Variants in ADGRB3 observed in about 807,000 individuals in gnomAD.
ADGRB3 encodes the protein brain-specific angiogenesis inhibitor 3.
Under a neutral mutation model 193.4 loss-of-function variants are expected in ADGRB3, and 37 were observed. That is an observed-to-expected ratio of 0.19 (90% CI 0.15 to 0.25). The LOEUF (loss-of-function observed/expected upper bound fraction) is 0.25. Among genes scored for constraint, ADGRB3 ranks in the 10% least tolerant of loss-of-function variants. ADGRB3 has a pLI of 1.00. For synonymous variants in ADGRB3, 690 were observed against 644.2 expected, an observed-to-expected ratio of 1.07 and a Z score of -1.08; for missense variants, 1,637 against 1,852.9, an observed-to-expected ratio of 0.88 and a Z score of 2.14.
At chr6:68,782,294 ACATGAACT>A (rs1038211107) in intron 3 of ADGRB3, among the ~76,000 whole-genome samples, 8 of 151,728 alleles carry the variant, frequency 5.3e-5, no homozygotes, top group Non-Finnish European at 1.0e-4. Context: ...CCTACAAAGG[ACATGAACT>A]CATCATTTTT....
intron 10 of ADGRB3, among the ~76,000 whole-genome samples, chr6:68,982,897 C>T (rs151053008): frequency 7.2e-5 from 11 of 152,018 alleles, no homozygotes; most frequent in Admixed American, 6.6e-4. Context: ...AAGAAACTTT[C>T]GCAGGAGAAA....
chr6:69,113,119 A>T (rs527505123), intron 17 of ADGRB3, among the ~76,000 whole-genome samples: 1 of 152,210 alleles, frequency 6.6e-6, no homozygotes, highest in Non-Finnish European at 1.5e-5. Context: ...ATGCTATTTT[A>T]TATAAGAAAC....
chr6:68,825,814 A>C (rs2127381934), intron 3 of ADGRB3, among the ~76,000 whole-genome samples: 1 of 152,290 alleles, frequency 6.6e-6, no homozygotes, highest in East Asian at 1.9e-4. Context: ...AATGATTGTA[A>C]GTTTTCTGAG....
intron 13 of ADGRB3, among the ~76,000 whole-genome samples, chr6:69,034,531 A>C (rs1355680851): frequency 1.3e-5 from 2 of 148,450 alleles, no homozygotes; most frequent in African/African-American, 2.4e-5. Flanking sequence ...TATAGCTATA[A>C]ATTTATTTTA....
intron 3 of ADGRB3, among the ~76,000 whole-genome samples, chr6:68,853,744 C>CA (rs553579424): frequency 6.9e-4 from 102 of 148,216 alleles, no homozygotes; most frequent in African/African-American, 1.1e-3. Context: ...CTCAGACTTG[C>CA]AAAAAAAAAG....
intron 17 of ADGRB3, among the ~76,000 whole-genome samples, chr6:69,139,226 T>G (rs1774241152): frequency 6.6e-6 from 1 of 152,184 alleles, no homozygotes; most frequent in Non-Finnish European, 1.5e-5. Context: ...TCACCCATTT[T>G]CCTCTCCTGC....
At chr6:69,305,780 G>A (rs533162862) in intron 20 of ADGRB3, among the ~76,000 whole-genome samples, 28 of 151,228 alleles carry the variant, frequency 1.9e-4, no homozygotes, top group Non-Finnish European at 4.0e-4. Flanking sequence ...TTAAGCCCTC[G>A]AATATTCTAT....
At chr6:68,754,984 G>A (rs995044695) in intron 3 of ADGRB3, among the ~76,000 whole-genome samples, 10 of 152,134 alleles carry the variant, frequency 6.6e-5, no homozygotes, top group Non-Finnish European at 1.5e-4. Flanking sequence ...AATATACTGA[G>A]AACTTGGGAT....
chr6:69,014,270 T>C (rs1199182629), intron 12 of ADGRB3, among the ~76,000 whole-genome samples, 164 bp downstream of exon 12: 1 of 152,062 alleles, frequency 6.6e-6, no homozygotes, highest in Non-Finnish European at 1.5e-5. Context: ...ACCATACCAG[T>C]CTGGAAGGAA....
chr6:68,743,504 T>C (rs1431538595), intron 3 of ADGRB3, among the ~76,000 whole-genome samples: 1 of 152,070 alleles, frequency 6.6e-6, no homozygotes, highest in African/African-American at 2.4e-5. Context: ...TTTTTGAGGC[T>C]GAACTTTCCT....
intron 3 of ADGRB3, among the ~76,000 whole-genome samples, chr6:68,881,209 G>A (rs1164960940): frequency 6.6e-6 from 1 of 151,678 alleles, no homozygotes; most frequent in African/African-American, 2.4e-5. Context: ...CTATACATTG[G>A]ATATTTTACA....
rs1175544127 is a variant in ADGRB3 at position 69,112,273 on chromosome 6, T to TGCCA, written c.2480+36242_2480+36245dup. On this transcript the variant is annotated intron_variant, in intron 17 of 31. Coordinates refer to ENST00000370598, the MANE Select transcript of ADGRB3 (RefSeq NM_001704.3). ...GACAGATGTTCCACCTGTCACCCTT[T>TGCCA]GCCAGCCAGCAGAAAAAGGAAAGGA... Among the ~76,000 whole-genome samples, 3 of 152,278 alleles carry TGCCA rather than the reference T, an allele frequency of 2.0e-5. No homozygotes were observed. In the East Asian group the frequency reaches 5.8e-4, roughly 29 times the overall value.
At chr6:69,072,871 A>C (rs542268139) in intron 16 of ADGRB3, among the ~76,000 whole-genome samples, 7 of 152,312 alleles carry the variant, frequency 4.6e-5, no homozygotes, top group Non-Finnish European at 8.8e-5. Flanking sequence ...GAAAGTCACA[A>C]GCTATATGAA....
chr6:68,863,728 T>C (rs1765218720), intron 3 of ADGRB3, among the ~76,000 whole-genome samples: 1 of 152,120 alleles, frequency 6.6e-6, no homozygotes, highest in South Asian at 2.1e-4. Flanking sequence ...ATAGCTAAGT[T>C]TTCCAAATGG....
intron 8 of ADGRB3, among the ~76,000 whole-genome samples, chr6:68,971,925 A>G (rs1052391058): frequency 6.6e-6 from 1 of 152,038 alleles, no homozygotes; most frequent in African/African-American, 2.4e-5. Context: ...TGCTCTCCCT[A>G]GGAGACACTT....
chr6:69,178,247 G>A (rs1775484629), intron 17 of ADGRB3, among the ~76,000 whole-genome samples: 1 of 152,140 alleles, frequency 6.6e-6, no homozygotes, highest in Non-Finnish European at 1.5e-5. Flanking sequence ...TATAATAATA[G>A]TGACCCCTGC....
At chr6:68,793,544 T>A (rs1484720804) in intron 3 of ADGRB3, among the ~76,000 whole-genome samples, 1 of 152,194 alleles carries the variant, frequency 6.6e-6, no homozygotes, top group Non-Finnish European at 1.5e-5. Context: ...TATTATTATT[T>A]TTTAAGACGA....
intron 3 of ADGRB3, among the ~76,000 whole-genome samples, chr6:68,705,706 T>C (rs1027205321): frequency 6.6e-6 from 1 of 152,150 alleles, no homozygotes; most frequent in Admixed American, 6.5e-5. Context: ...GCTGAAGAAA[T>C]AATAGAGCTA....
At chr6:68,965,590 C>G (rs1408859395) in intron 8 of ADGRB3, among the ~76,000 whole-genome samples, 1 of 152,060 alleles carries the variant, frequency 6.6e-6, no homozygotes, top group African/African-American at 2.4e-5. Flanking sequence ...TTTTAAGAGA[C>G]AGAAAATCAG....
Sources: allele counts gnomAD v4.1 joint callset (sites outside exome capture counted in the v4.1 genomes callset), GRCh38; gene constraint gnomAD v4.1.1; transcripts MANE v1.5; gene names NCBI Gene and HGNC (gene_info 2026-07-23, HGNC 2026-07-21).